The following ZNF366 variants were observed in gnomAD, a reference collection of about 807,000 sequenced individuals.
ZNF366 encodes the protein zinc finger protein 366, also known as dendritic cell-specific transcript protein.
ZNF366 carries 20 observed loss-of-function variants against 47.2 expected under a neutral mutation model. The ratio of observed to expected loss-of-function variants is 0.42; its 90% CI spans 0.30 to 0.62. The LOEUF is 0.62. Ranked by LOEUF, ZNF366 falls within the 20% of genes least tolerant of loss-of-function variation. ZNF366 has a pLI of 0.16. For missense variants in ZNF366, 987 were observed against 976.3 expected, an observed-to-expected ratio of 1.01 and a Z score of -0.15; for synonymous variants, 421 against 395.1, an observed-to-expected ratio of 1.07 and a Z score of -0.78.
In ZNF366 at chr5:72,472,615, A is replaced by G. The variant is rs1236492884; in HGVS notation, c.-14-11105T>C. ...AACTGCAGTTAACCTTGAAATAAAGAAGAATCGGTTAGAAAGATTCATAGT... is the reference window on the plus strand; with the variant it reads ...AACTGCAGTTAACCTTGAAATAAAGGAGAATCGGTTAGAAAGATTCATAGT... On this transcript the variant is annotated intron_variant, in intron 1 of 4. Coordinates refer to ENST00000318442, the MANE Select transcript of ZNF366 (RefSeq NM_152625.3). The G allele has an allele frequency of 3.1e-6, 3 of 958,098 alleles. No homozygotes were observed. In the African/African-American group the frequency reaches 5.3e-5, roughly 17 times the overall value. The allele number at this position is 958,098 out of a possible 1,614,324, so 59.3% of individuals were successfully genotyped here. A position where few individuals can be genotyped will look rare whatever the true frequency, so the allele number is the denominator to read the frequency against.
At chr5:72,478,662 A>G (rs1199695137) in intron 1 of ZNF366, among the ~76,000 whole-genome samples, 1 of 152,226 alleles carries the variant, frequency 6.6e-6, no homozygotes, top group Non-Finnish European at 1.5e-5. Flanking sequence ...TGGTAATCCT[A>G]CTCATTTTAC....
In ZNF366 at chr5:72,440,346, G is replaced by A. The variant is rs1742830029; in HGVS notation, c.*3410C>T. The A allele has an allele frequency of 6.6e-6, 1 of 151,900 alleles. No homozygotes were observed. The allele number at this position is 151,900 out of a possible 1,614,324, so 9.4% of individuals were successfully genotyped here. A position where few individuals can be genotyped will look rare whatever the true frequency, so the allele number is the denominator to read the frequency against. On this transcript the variant is annotated 3_prime_UTR_variant, in exon 5 of 5. Coordinates refer to ENST00000318442, the MANE Select transcript of ZNF366 (RefSeq NM_152625.3). ...TTTTTAAAAAGAGAGACAGAAAGAG[G>A]AATTGAAAGGTAACATGAGGAGTAA...
chr5:72,504,500 G>A (rs1007877345), intron 1 of ZNF366, among the ~76,000 whole-genome samples: 1 of 152,130 alleles, frequency 6.6e-6, no homozygotes, highest in Non-Finnish European at 1.5e-5. Context: ...ATTCAGTGAA[G>A]CTAAATCTGC....
intron 1 of ZNF366, among the ~76,000 whole-genome samples, chr5:72,476,842 C>T (rs923216358): frequency 6.6e-6 from 1 of 152,156 alleles, no homozygotes; most frequent in African/African-American, 2.4e-5. Context: ...ATAGGGATGG[C>T]TCTTCTAACC....
At position 72,440,266 on chromosome 5, in the gene ZNF366, C is replaced by T. The variant is rs1742829065; in HGVS notation, c.*3490G>A. 2 of 152,156 alleles carry T rather than the reference C, an allele frequency of 1.3e-5. No homozygotes were observed. The highest frequency in any genetic ancestry group is 2.4e-5 in the African/African-American group (1 of 41,428). 9.4% of individuals were successfully genotyped at this position (152,156 alleles called of 1,614,324 possible). A position where few individuals can be genotyped will look rare whatever the true frequency, so the allele number is the denominator to read the frequency against. ...TACTCATATACAAATATACCAGTTA[C>T]TCTTGTGGGTTTATGAAAGGTCAGC... On this transcript the variant is annotated 3_prime_UTR_variant, in exon 5 of 5. Transcript: ENST00000318442.
intron 1 of ZNF366, among the ~76,000 whole-genome samples, chr5:72,485,619 C>T (rs1743876074): frequency 6.6e-6 from 1 of 152,212 alleles, no homozygotes; most frequent in Admixed American, 6.5e-5. Context: ...CTCCCTTGGG[C>T]TCCTGTCTGC....
intron 1 of ZNF366, among the ~76,000 whole-genome samples, chr5:72,462,319 C>T (rs899078677): frequency 9.9e-5 from 15 of 152,050 alleles, no homozygotes; most frequent in Non-Finnish European, 4.4e-5. Context: ...GAAATAAAGC[C>T]GCACATGGGT....
chr5:72,469,492 A>AACATTCCACAAT (rs532498038), intron 1 of ZNF366, among the ~76,000 whole-genome samples: 279 of 152,332 alleles, frequency 1.8e-3, no homozygotes, highest in African/African-American at 5.8e-3. Context: ...ATATTTGTGG[A>AACATTCCACAAT]ATGTGTCCAA....
chr5:72,493,506 G>C (rs1744053291), intron 1 of ZNF366: 1 of 152,158 alleles, frequency 6.6e-6, no homozygotes, highest in South Asian at 2.1e-4. Flanking sequence ...CTTTGATCAA[G>C]TATGCAAACC....
intron 3 of ZNF366, 103 bp from the exon 4 acceptor site, chr5:72,447,520 ATT>A: frequency 7.4e-7 from 1 of 1,355,186 alleles, no homozygotes; most frequent in Non-Finnish European, 1.0e-6. Context: ...GGACATTGAC[ATT>A]TTAATCTGCT....
chr5:72,484,495 A>AAT (rs1554032911), intron 1 of ZNF366, among the ~76,000 whole-genome samples: 6 of 145,844 alleles, frequency 4.1e-5, no homozygotes, highest in African/African-American at 1.0e-4. Flanking sequence ...AAAAAAAAAA[A>AAT]AATAATAATA....
intron 1 of ZNF366, among the ~76,000 whole-genome samples, chr5:72,465,059 A>AAAAAAG (rs1363667986): frequency 2.0e-5 from 3 of 152,186 alleles, no homozygotes; most frequent in African/African-American, 7.2e-5. Flanking sequence ...CTCTGTCTAA[A>AAAAAAG]AAAAAGAAAA....
At chr5:72,490,447 T>A (rs543533110) in intron 1 of ZNF366, among the ~76,000 whole-genome samples, 16 of 152,106 alleles carry the variant, frequency 1.1e-4, no homozygotes, top group African/African-American at 3.9e-4. Context: ...ACTTTTGAAG[T>A]CAGGTCCAGA....
At chr5:72,450,877 G>A (rs1379817657) in intron 3 of ZNF366, among the ~76,000 whole-genome samples, 1 of 152,228 alleles carries the variant, frequency 6.6e-6, no homozygotes, top group Non-Finnish European at 1.5e-5. Context: ...AGAGAGGCCA[G>A]AGAAAGAGGA....
At chr5:72,458,649 A>C (rs1434989618) in intron 2 of ZNF366, among the ~76,000 whole-genome samples, 3 of 152,200 alleles carry the variant, frequency 2.0e-5, no homozygotes, top group Non-Finnish European at 4.4e-5. Context: ...CCTGTGTCAG[A>C]GATTCCTGAG....
Position 72,461,296 on chromosome 5 carries a change from G to C in ZNF366, c.201C>G (p.Phe67Leu). The C allele has an allele frequency of 2.5e-6, 4 of 1,614,072 alleles. No individual in the cohort carries two copies. Among genetic ancestry groups the C allele is most frequent in the Non-Finnish European group, 3.4e-6 (4 of 1,180,006 alleles). ...ACCCTGCTCCTTCGAAGACCCCGGG[G>C]AACCCATCTAGGTCTCCTGGGGGAG... ...YEPPPGDLDG[F>L]PGVFEGAGSR... The change falls in exon 2 of 5, where the codon TTC becomes TTG. Residue 67 changes from phenylalanine (F) to leucine (L), a missense_variant. By Grantham distance (22) the Phe-to-Leu change is conservative. Coordinates refer to ENST00000318442, the MANE Select transcript of ZNF366 (RefSeq NM_152625.3).
rs866926112 is a variant in ZNF366 at position 72,460,407 on chromosome 5, C to A, written c.1090G>T (p.Glu364Ter). The A allele has an allele frequency of 6.2e-7, 1 of 1,614,236 alleles. No individual in the cohort carries two copies. The highest frequency in any genetic ancestry group is 8.5e-7 in the Non-Finnish European group (1 of 1,180,044). Reference sequence around the variant, plus strand: ...AGGCCGCACTCCACACAGATGTTCTCGCGCCCACTGGCGTGCTTGGCTTCG... The same window carrying A: ...AGGCCGCACTCCACACAGATGTTCTAGCGCCCACTGGCGTGCTTGGCTTCG... Reference protein sequence around the residue: ...AHEAKHASGRENICVECGLDF... With the variant: ...AHEAKHASGR Residue 364 changes from glutamate (E) to a stop codon, truncating the protein, a stop_gained, in exon 2 of 5, where the codon GAG (glutamate) becomes TAG (stop). Coordinates refer to ENST00000318442, the MANE Select transcript of ZNF366 (RefSeq NM_152625.3). LOFTEE classifies it high-confidence loss of function.
chr5:72,468,824 A>C (rs1332992540), intron 1 of ZNF366, among the ~76,000 whole-genome samples: 1 of 152,204 alleles, frequency 6.6e-6, no homozygotes, highest in Non-Finnish European at 1.5e-5. Flanking sequence ...ATTTAAAGGA[A>C]GGAAATGAAT....
At chr5:72,482,746 T>TTTTGTG (rs1554032794) in intron 1 of ZNF366, among the ~76,000 whole-genome samples, 1 of 140,970 alleles carries the variant, frequency 7.1e-6, no homozygotes, top group Non-Finnish European at 1.5e-5. Context: ...CATTTCTATT[T>TTTTGTG]TGTGTGTGTG....
Sources: allele counts gnomAD v4.1 joint callset (sites outside exome capture counted in the v4.1 genomes callset), GRCh38; gene constraint gnomAD v4.1.1; transcripts MANE v1.5; gene names NCBI Gene and HGNC (gene_info 2026-07-23, HGNC 2026-07-21).